ARHGEF38: variants seen among roughly 807,000 people sequenced by gnomAD.
ARHGEF38 encodes Rho guanine nucleotide exchange factor 38, also known as Rho guanine nucleotide exchange factor (GEF) 38.
Under a neutral mutation model 79.9 loss-of-function variants are expected in ARHGEF38, and 79 were observed. The observed-to-expected ratio is 0.99, with a 90% CI of 0.82 to 1.19. The LOEUF (loss-of-function observed/expected upper bound fraction) is 1.19. Among genes scored for constraint, ARHGEF38 ranks in the 50% most tolerant of loss-of-function variants. ARHGEF38 has a pLI of 0.00. For synonymous variants in ARHGEF38, 366 were observed against 328.3 expected, an observed-to-expected ratio of 1.11 and a Z score of -1.24; for missense variants, 962 against 907.2, an observed-to-expected ratio of 1.06 and a Z score of -0.78.
Position 105,589,245 on chromosome 4 carries a change from C to A in ARHGEF38, c.197-3C>A. 1 of 1,603,320 alleles carries A rather than the reference C, an allele frequency of 6.2e-7. No homozygotes were observed. The highest frequency in any genetic ancestry group is 8.5e-7 in the Non-Finnish European group (1 of 1,176,968). On this transcript the variant is annotated splice_region_variant and splice_polypyrimidine_tract_variant and intron_variant, in intron 1 of 13. Transcript: ENST00000420470. ...CTCACCTGTATATGTTTTCATTTAA[C>A]AGAAAAGATGACTCCACAGGGTGAG...
At chr4:105,569,714 C>T (rs1206111768) in intron 1 of ARHGEF38, among the ~76,000 whole-genome samples, 1 of 152,122 alleles carries the variant, frequency 6.6e-6, no homozygotes, top group Admixed American at 6.5e-5. Flanking sequence ...GTGGTGTGAC[C>T]TTGGGCAAAC....
In ARHGEF38 at chr4:105,602,825, A is replaced by G. The variant is rs181579930; in HGVS notation, c.385-10559A>G. The stretch of plus-strand genomic sequence containing the variant: ...ATTTTTGACAAAGGTAGTTGTTCAA[A>G]AAAAAGAGACAAGTGAGAAATTTTT... On this transcript the variant is annotated intron_variant, in intron 2 of 13. Coordinates refer to ENST00000420470, the MANE Select transcript of ARHGEF38 (RefSeq NM_001242729.2). Among the ~76,000 whole-genome samples, 311 of 152,292 alleles carry G rather than the reference A, an allele frequency of 2.0e-3. 1 individual carries two copies. The highest frequency in any genetic ancestry group is 3.0e-3 in the Non-Finnish European group (202 of 68,024).
At chr4:105,677,275 A>G (rs1032886751) in intron 13 of ARHGEF38, among the ~76,000 whole-genome samples, 3 of 152,002 alleles carry the variant, frequency 2.0e-5, no homozygotes, top group Admixed American at 2.0e-4. Context: ...CACCGTTTTT[A>G]ATGACTACAA....
intron 1 of ARHGEF38, among the ~76,000 whole-genome samples, chr4:105,562,026 T>C (rs1725656862): frequency 6.6e-6 from 1 of 151,834 alleles, no homozygotes; most frequent in African/African-American, 2.4e-5. Flanking sequence ...TCCCTGTCTC[T>C]GATGATGAGA....
chr4:105,672,762 G>T (rs1730997444), intron 13 of ARHGEF38, among the ~76,000 whole-genome samples: 1 of 152,140 alleles, frequency 6.6e-6, no homozygotes, highest in Non-Finnish European at 1.5e-5. Flanking sequence ...TGAAACTGAG[G>T]GTTCTCTTCC....
chr4:105,676,731 T>A (rs920317364), intron 13 of ARHGEF38, among the ~76,000 whole-genome samples: 2 of 152,088 alleles, frequency 1.3e-5, no homozygotes, highest in Non-Finnish European at 2.9e-5. Context: ...GGCCATAAAA[T>A]AATTTTTAAA....
chr4:105,563,398 C>G (rs1157772467), intron 1 of ARHGEF38: 2 of 152,212 alleles, frequency 1.3e-5, no homozygotes, highest in East Asian at 3.8e-4. Context: ...TTGGGGATTT[C>G]TAAATGGAAG....
Position 105,680,371 on chromosome 4 carries a change from C to T in ARHGEF38, c.*2434C>T. The stretch of plus-strand genomic sequence containing the variant: ...CTTATCTGTCCATTCATTCATTGAA[C>T]CAGTAAGTATTTATTGAGAGTTAGT... On this transcript the variant is annotated 3_prime_UTR_variant, in exon 14 of 14. Coordinates refer to ENST00000420470, the MANE Select transcript of ARHGEF38 (RefSeq NM_001242729.2). 4.2e-6 allele frequency: 1 copy of T among 240,158 alleles called. No individual in the cohort carries two copies. Among genetic ancestry groups the T allele is most frequent in the Non-Finnish European group, 8.2e-6 (1 of 121,234 alleles). 14.9% of individuals were successfully genotyped at this position (240,158 alleles called of 1,614,324 possible). A position where few individuals can be genotyped will look rare whatever the true frequency, so the allele number is the denominator to read the frequency against.
At chr4:105,584,879 A>C (rs1183208873) in intron 1 of ARHGEF38, among the ~76,000 whole-genome samples, 2 of 152,144 alleles carry the variant, frequency 1.3e-5, no homozygotes, top group Non-Finnish European at 2.9e-5. Context: ...GTCCTCCCCC[A>C]ACACCCCTTT....
At chr4:105,574,598 T>C (rs1438342677) in intron 1 of ARHGEF38, among the ~76,000 whole-genome samples, 1 of 151,944 alleles carries the variant, frequency 6.6e-6, no homozygotes. Flanking sequence ...CCTTGTCTTG[T>C]TTCTGATCTT....
intron 10 of ARHGEF38, among the ~76,000 whole-genome samples, chr4:105,664,757 C>A (rs1297255206): frequency 6.6e-6 from 1 of 152,112 alleles, no homozygotes; most frequent in Non-Finnish European, 1.5e-5. Flanking sequence ...GGTACAACAA[C>A]ATCTAGGTTC....
chr4:105,594,202 G>A (rs1239569968), intron 2 of ARHGEF38, among the ~76,000 whole-genome samples: 1 of 152,034 alleles, frequency 6.6e-6, no homozygotes, highest in East Asian at 1.9e-4. Flanking sequence ...AAATGTTCGG[G>A]TACTCATATG....
intron 1 of ARHGEF38, among the ~76,000 whole-genome samples, chr4:105,559,517 C>A (rs112349518): frequency 0.022 from 3,310 of 152,080 alleles, 58 homozygotes; most frequent in Middle Eastern, 0.068. Context: ...GGTAGGAGTG[C>A]GTGTGTCCCA....
chr4:105,572,309 T>G (rs1200238084), intron 1 of ARHGEF38, among the ~76,000 whole-genome samples: 1 of 152,198 alleles, frequency 6.6e-6, no homozygotes, highest in Non-Finnish European at 1.5e-5. Context: ...CAGGAAGCCT[T>G]GCTATGTCTA....
rs1321938051 is a variant in ARHGEF38, at chr4:105,654,108, C to G, written c.1052C>G (p.Ala351Gly). Reference protein sequence around the residue: ...TFNREEKLFRALEKTVRLCVK... With the variant: ...TFNREEKLFRGLEKTVRLCVK... ...AACAGAGAAGAAAAGCTGTTTAGAGCTTTAGAAAAGACTGTGAGGCTTTGT... is the reference window on the plus strand; with the variant it reads ...AACAGAGAAGAAAAGCTGTTTAGAGGTTTAGAAAAGACTGTGAGGCTTTGT... The change falls in exon 8 of 14, where the codon GCT (alanine) becomes GGT (glycine). Residue 351 changes from alanine to glycine, a missense_variant. Physicochemically the swap from Ala to Gly is moderately conservative, Grantham distance 60 (BLOSUM62 0). Coordinates refer to ENST00000420470, the MANE Select transcript of ARHGEF38 (RefSeq NM_001242729.2). 1.3e-6 allele frequency: 2 copies of G among 1,520,802 alleles called. No individual in the cohort carries two copies. The highest frequency in any genetic ancestry group is 1.4e-5 in the African/African-American group (1 of 72,854). The allele number at this position is 1,520,802 out of a possible 1,614,324, so 94.2% of individuals were successfully genotyped here.
rs188096481 is a variant in ARHGEF38, at chr4:105,631,331, T to A, written c.656+286T>A. 998 of 1,049,408 alleles carry A rather than the reference T, an allele frequency of 9.5e-4. 10 individuals are homozygous for A. The African/African-American group carries it at 0.015, about 15-fold the overall frequency. 65.0% of individuals were successfully genotyped at this position (1,049,408 alleles called of 1,614,324 possible). On this transcript the variant is annotated intron_variant, in intron 4 of 13. Transcript: ENST00000420470. ...AAAATGTGGAAGAAAAGCCTCTTCT[T>A]AAAGCTATTGTAACTTGCCTGGCCC...
intron 2 of ARHGEF38, among the ~76,000 whole-genome samples, chr4:105,593,809 T>G (rs867511145): frequency 3.9e-5 from 6 of 152,146 alleles, no homozygotes. Flanking sequence ...CCTATGAAAC[T>G]CTTATAAGCA....
chr4:105,660,632 G>A (rs1204267358), intron 10 of ARHGEF38, among the ~76,000 whole-genome samples: 1 of 152,020 alleles, frequency 6.6e-6, no homozygotes, highest in Admixed American at 6.6e-5. Flanking sequence ...TAGAGACGGG[G>A]TTTCTCCATT....
Position 105,636,096 on chromosome 4 carries a change from A to T in ARHGEF38, c.657-307A>T, listed in dbSNP as rs542028634. Among the ~76,000 whole-genome samples the T allele has an allele frequency of 1.8e-4, 28 of 152,186 alleles. No homozygotes were observed. In the South Asian group the frequency reaches 5.8e-3, roughly 32 times the overall value. On this transcript the variant is annotated intron_variant, in intron 4 of 13. Coordinates refer to ENST00000420470, the MANE Select transcript of ARHGEF38 (RefSeq NM_001242729.2). ...CTATTATTATGGAATGGATCTTAAA[A>T]TTTTTTTATATTGAAAACATTTATT... is the stretch of plus-strand genomic sequence containing the variant.
Sources: gnomAD v4.1 joint callset for allele counts (sites outside exome capture counted in the v4.1 genomes callset) on GRCh38, gnomAD v4.1.1 for gene constraint, MANE v1.5 for transcripts, NCBI Gene and HGNC (gene_info 2026-07-23, HGNC 2026-07-21) for gene names.